Variants in PPP6C observed in about 807,000 individuals in gnomAD.
PPP6C encodes protein phosphatase 6 catalytic subunit.
PPP6C carries 11 observed loss-of-function variants against 39.8 expected under a neutral mutation model. That is an observed-to-expected ratio of 0.28 (90% CI 0.17 to 0.46). The LOEUF (loss-of-function observed/expected upper bound fraction) is 0.46, where lower values mean the gene tolerates loss of function less well. PPP6C is among the 20% of genes least tolerant of loss of function. PPP6C has a pLI of 1.00. For missense variants in PPP6C, 211 were observed against 373.9 expected, an observed-to-expected ratio of 0.56 and a Z score of 3.59; for synonymous variants, 129 against 130.3, an observed-to-expected ratio of 0.99 and a Z score of 0.07.
rs1005636036 is a variant in PPP6C at position 125,151,085 on chromosome 9, A to G, written c.670-1164T>C. 19 of 1,326,134 alleles carry G rather than the reference A, an allele frequency of 1.4e-5. No homozygotes were observed. The East Asian group carries it at 4.4e-4, about 31-fold the overall frequency. The allele number at this position is 1,326,134 out of a possible 1,614,324, so 82.1% of individuals were successfully genotyped here. ...AACCCAGTGGACTATCTGTATGCAG[A>G]GCCAGGTGTCCTGAAGTGGATAAGG... On this transcript the variant is annotated intron_variant, in intron 6 of 6. Coordinates refer to ENST00000373547, the MANE Select transcript of PPP6C (RefSeq NM_002721.5).
intron 6 of PPP6C, chr9:125,150,735 G>A (rs758298585): frequency 1.3e-4 from 103 of 770,140 alleles, no homozygotes; most frequent in Non-Finnish European, 2.1e-4. Flanking sequence ...GCTCGGCAAG[G>A]CAGTGATTGA....
intron 1 of PPP6C, among the ~76,000 whole-genome samples, chr9:125,182,532 C>G (rs1176177976): frequency 1.3e-5 from 2 of 151,928 alleles, no homozygotes; most frequent in African/African-American, 4.8e-5. Context: ...ATATTTCACA[C>G]AGTCTTTATA....
chr9:125,176,715 T>A (rs1423991672), intron 1 of PPP6C, among the ~76,000 whole-genome samples: 1 of 151,836 alleles, frequency 6.6e-6, no homozygotes, highest in Non-Finnish European at 1.5e-5. Flanking sequence ...TGGGCTGGGG[T>A]TGGAATTGGG....
intron 6 of PPP6C, 76 bp from the exon 7 acceptor site, chr9:125,149,997 C>A: frequency 6.7e-7 from 1 of 1,502,476 alleles, no homozygotes; most frequent in Non-Finnish European, 8.9e-7. Context: ...AAATAAAATA[C>A]CAAATCCTAT....
intron 2 of PPP6C, among the ~76,000 whole-genome samples, chr9:125,165,795 C>CTT (rs781221037): frequency 2.0e-4 from 23 of 113,602 alleles, no homozygotes; most frequent in Admixed American, 1.5e-3. Context: ...TAATCTTTTG[C>CTT]TTTTTTTTTT....
At chr9:125,171,466 C>CATAT (rs758192318) in intron 1 of PPP6C, among the ~76,000 whole-genome samples, 2,869 of 85,412 alleles carry the variant, frequency 0.034, 84 homozygotes, top group African/African-American at 0.06. Context: ...CATATACACA[C>CATAT]ACACACACAC....
Position 125,148,656 on chromosome 9 carries a change from T to C in PPP6C, c.*1017A>G, listed in dbSNP as rs1409420940. ...AGTGTTACAGCAAGAGAAGAATGAT[T>C]CCTATTGAAAAGCACATAGATTTTA... On this transcript the variant is annotated 3_prime_UTR_variant, in exon 7 of 7. Coordinates refer to ENST00000373547, the MANE Select transcript of PPP6C (RefSeq NM_002721.5). 6.6e-6 allele frequency: 1 copy of C among 152,192 alleles called. No individual in the cohort carries two copies. The highest frequency in any genetic ancestry group is 2.4e-5 in the African/African-American group (1 of 41,454). 9.4% of individuals were successfully genotyped at this position (152,192 alleles called of 1,614,324 possible). A position where few individuals can be genotyped will look rare whatever the true frequency, so the allele number is the denominator to read the frequency against.
At chr9:125,150,924 C>G in intron 6 of PPP6C, 1 of 1,035,006 alleles carries the variant, frequency 9.7e-7, no homozygotes, top group Non-Finnish European at 1.5e-6. Context: ...CCCATGCTTC[C>G]CTTATGCCCA....
At chr9:125,179,469 C>CA (rs1829377785) in intron 1 of PPP6C, among the ~76,000 whole-genome samples, 1 of 152,018 alleles carries the variant, frequency 6.6e-6, no homozygotes, top group South Asian at 2.1e-4. Context: ...ATTTATTAGA[C>CA]AGAGTTTTGT....
intron 1 of PPP6C, chr9:125,172,062 C>T: frequency 2.3e-6 from 1 of 431,580 alleles, no homozygotes; most frequent in Non-Finnish European, 4.7e-6. Context: ...GGTACATCCA[C>T]ACCATGTAAT....
intron 1 of PPP6C, among the ~76,000 whole-genome samples, chr9:125,186,564 A>G (rs1488403036): frequency 1.3e-5 from 2 of 151,900 alleles, no homozygotes; most frequent in East Asian, 3.9e-4. Context: ...TGGGTAACAT[A>G]GCAAGACCCT....
chr9:125,166,618 C>T (rs1012439358), intron 2 of PPP6C, among the ~76,000 whole-genome samples: 1 of 150,126 alleles, frequency 6.7e-6, no homozygotes, highest in African/African-American at 2.5e-5. Context: ...CTGCAACATC[C>T]GCCTCCCAGG....
chr9:125,154,738 G>A (rs1398960762), intron 4 of PPP6C, among the ~76,000 whole-genome samples: 4 of 152,208 alleles, frequency 2.6e-5, no homozygotes, highest in Non-Finnish European at 5.9e-5. Context: ...ATAGGAGCAT[G>A]AGCAATTCCT....
intron 1 of PPP6C, among the ~76,000 whole-genome samples, chr9:125,181,455 G>A (rs914206583): frequency 6.6e-6 from 1 of 151,942 alleles, no homozygotes; most frequent in Non-Finnish European, 1.5e-5. Flanking sequence ...ATCTACAATC[G>A]GTATTTCTCC....
intron 2 of PPP6C, among the ~76,000 whole-genome samples, chr9:125,166,262 C>T (rs555826329): frequency 1.3e-5 from 2 of 152,242 alleles, no homozygotes; most frequent in Non-Finnish European, 2.9e-5. Context: ...TTTTAAGTGT[C>T]GGAAACTGTT....
Position 125,171,100 on chromosome 9 carries a change from T to G in PPP6C, c.156A>C (p.Gly52=). ...QPVSTPVTVC[G]DIHGQFYDLC... is the part of the protein sequence containing the mutation. ...GAAATTTTACCTGTCCATGGATATC[T>G]CCACACACTGTTACTGGTGTTGATA... The change falls in exon 2 of 7, where the codon GGA becomes GGC. Residue 52 remains glycine, a synonymous_variant. Coordinates refer to ENST00000373547, the MANE Select transcript of PPP6C (RefSeq NM_002721.5). The G allele has an allele frequency of 6.3e-7, 1 of 1,591,506 alleles. No homozygotes were observed. Among genetic ancestry groups the G allele is most frequent in the Non-Finnish European group, 8.6e-7 (1 of 1,164,704 alleles).
chr9:125,156,622 C>G (rs1040741997), intron 4 of PPP6C, among the ~76,000 whole-genome samples: 11 of 152,066 alleles, frequency 7.2e-5, no homozygotes, highest in Non-Finnish European at 1.5e-4. Flanking sequence ...AAATTTAAAT[C>G]TAAAGGGTTC....
rs1588274476 is a variant in PPP6C at position 125,155,799 on chromosome 9, G to A, written c.380-1814C>T. Among the ~76,000 whole-genome samples, 5 of 151,972 alleles carry A rather than the reference G, an allele frequency of 3.3e-5. 1 individual carries two copies. The highest frequency in any genetic ancestry group is 3.3e-4 in the Admixed American group (5 of 15,260). On this transcript the variant is annotated intron_variant, in intron 4 of 6. Transcript: ENST00000373547. ...GGGCGCCTGTAGTCCCAGCTACTTG[G>A]GAGGCGGAGGCAGGAGAATGGCGTG...
At chr9:125,170,779 G>A (rs1037596011) in intron 2 of PPP6C, among the ~76,000 whole-genome samples, 16 of 152,254 alleles carry the variant, frequency 1.1e-4, no homozygotes, top group African/African-American at 3.6e-4. Context: ...TAGTTATTAT[G>A]AGCAGTATGT....
Sources: allele counts gnomAD v4.1 joint callset (sites outside exome capture counted in the v4.1 genomes callset), GRCh38; gene constraint gnomAD v4.1.1; transcripts MANE v1.5; gene names NCBI Gene and HGNC (gene_info 2026-07-23, HGNC 2026-07-21).